Variants in ADAM23 observed in about 807,000 individuals in gnomAD.
ADAM23 encodes the protein disintegrin and metalloproteinase domain-containing protein 23.
A neutral mutation model predicts 120.1 loss-of-function variants in ADAM23; 33 were observed. The observed-to-expected ratio is 0.27, with a 90% CI of 0.21 to 0.37. ADAM23 has a LOEUF of 0.37. Among genes scored for constraint, ADAM23 ranks in the 10% least tolerant of loss-of-function variants. The probability of loss-of-function intolerance (pLI) is 1.00; values close to 1 mark genes in which losing one functional copy is unlikely to be tolerated. For missense variants in ADAM23, 862 were observed against 1,058.2 expected, an observed-to-expected ratio of 0.81 and a Z score of 2.57; for synonymous variants, 367 against 375.2, an observed-to-expected ratio of 0.98 and a Z score of 0.25.
intron 2 of ADAM23, among the ~76,000 whole-genome samples, chr2:206,452,169 G>A (rs1351816318): frequency 6.6e-6 from 1 of 152,174 alleles, no homozygotes; most frequent in Non-Finnish European, 1.5e-5. Context: ...TTACTGCAGT[G>A]CCCTCATTCT....
chr2:206,540,206 C>T (rs1427377907), intron 4 of ADAM23, among the ~76,000 whole-genome samples: 2 of 136,200 alleles, frequency 1.5e-5, no homozygotes, highest in Non-Finnish European at 1.5e-5. Context: ...AGAAAAGCAG[C>T]CCTTCACTGT....
chr2:206,616,548 A>G (rs189734165), intron 25 of ADAM23, among the ~76,000 whole-genome samples: 3 of 152,238 alleles, frequency 2.0e-5, no homozygotes, highest in East Asian at 3.9e-4. Context: ...CTTTATACCT[A>G]TTTTGAGCTT....
At chr2:206,489,687 A>G (rs1050248976) in intron 3 of ADAM23, among the ~76,000 whole-genome samples, 5 of 152,150 alleles carry the variant, frequency 3.3e-5, no homozygotes, top group East Asian at 1.9e-4. Flanking sequence ...GCTGAGTAAC[A>G]TGCGGGCTGG....
At chr2:206,582,976 C>G (rs1026827623) in intron 18 of ADAM23, among the ~76,000 whole-genome samples, 1 of 152,206 alleles carries the variant, frequency 6.6e-6, no homozygotes, top group African/African-American at 2.4e-5. Context: ...TGTCTCACAG[C>G]TCTAAAGATT....
chr2:206,503,553 C>G (rs1009132620), intron 3 of ADAM23, among the ~76,000 whole-genome samples: 3 of 151,978 alleles, frequency 2.0e-5, no homozygotes, highest in African/African-American at 7.3e-5. Context: ...GGGGGGAAAT[C>G]GTGAGACCAC....
chr2:206,544,614 T>A (rs975251800), intron 6 of ADAM23, among the ~76,000 whole-genome samples: 1 of 3,606 alleles, frequency 2.8e-4, no homozygotes, highest in Non-Finnish European at 7.0e-4. Context: ...GAGAGTTAAA[T>A]TTTTTTTTTT....
chr2:206,487,608 C>G (rs1234192684), intron 3 of ADAM23, among the ~76,000 whole-genome samples: 3 of 152,196 alleles, frequency 2.0e-5, no homozygotes, highest in Non-Finnish European at 4.4e-5. Flanking sequence ...AGTTTCCAGG[C>G]CATCTGACTG....
At chr2:206,452,253 T>C (rs1695210315) in intron 2 of ADAM23, among the ~76,000 whole-genome samples, 2 of 152,260 alleles carry the variant, frequency 1.3e-5, no homozygotes, top group African/African-American at 4.8e-5. Flanking sequence ...TCTTTGATTA[T>C]TCTCTTCCAT....
chr2:206,540,266 C>G (rs1386500197), intron 4 of ADAM23, among the ~76,000 whole-genome samples: 1 of 141,694 alleles, frequency 7.1e-6, no homozygotes, highest in Non-Finnish European at 1.6e-5. Flanking sequence ...CACACACACA[C>G]ACAGTTGTCC....
Position 206,561,176 on chromosome 2 carries a change from T to C in ADAM23, c.1218T>C (p.Gly406=), listed in dbSNP as rs1360601002. 1 of 1,613,986 alleles carries C rather than the reference T, an allele frequency of 6.2e-7. No homozygotes were observed. The highest frequency in any genetic ancestry group is 8.5e-7 in the Non-Finnish European group (1 of 1,179,946). The change falls in exon 12 of 26, where the codon GGT becomes GGC. Residue 406 remains glycine (G), a synonymous_variant. Coordinates refer to ENST00000264377, the MANE Select transcript of ADAM23 (RefSeq NM_003812.4). ...GAAGCAGTCTGAGTTACTTTGGAGG[T>C]GTCTGTTCTCGCACAAGAGGAGTTG... The part of the protein sequence containing the change: ...YKRSSLSYFG[G]VCSRTRGVGV...
chr2:206,529,956 T>G (rs1024270802), intron 3 of ADAM23, among the ~76,000 whole-genome samples: 18 of 152,068 alleles, frequency 1.2e-4, no homozygotes, highest in African/African-American at 4.3e-4. Context: ...CGATTACAGG[T>G]GCGTGCCACC....
At chr2:206,512,507 T>G (rs1454810295) in intron 3 of ADAM23, among the ~76,000 whole-genome samples, 1 of 152,182 alleles carries the variant, frequency 6.6e-6, no homozygotes, top group Non-Finnish European at 1.5e-5. Flanking sequence ...TGTATAAAAA[T>G]AGAACAATTT....
chr2:206,580,962 A>G (rs963723253), intron 18 of ADAM23, among the ~76,000 whole-genome samples: 53 of 152,058 alleles, frequency 3.5e-4, no homozygotes, highest in African/African-American at 1.3e-3. Flanking sequence ...TTTTTCCAGG[A>G]ATTTATCCAT....
At chr2:206,455,688 A>G (rs1695283866) in intron 2 of ADAM23, among the ~76,000 whole-genome samples, 1 of 152,170 alleles carries the variant, frequency 6.6e-6, no homozygotes, top group Non-Finnish European at 1.5e-5. Context: ...TGCTGCTTTG[A>G]AATTTCTTCC....
intron 2 of ADAM23, among the ~76,000 whole-genome samples, chr2:206,462,422 A>G (rs972204762): frequency 1.3e-5 from 2 of 152,206 alleles, no homozygotes; most frequent in African/African-American, 2.4e-5. Context: ...CCTAAGTACT[A>G]TCTTTTGTCT....
At chr2:206,597,888 G>T (rs1362749013) in intron 24 of ADAM23, among the ~76,000 whole-genome samples, 1 of 152,176 alleles carries the variant, frequency 6.6e-6, no homozygotes, top group East Asian at 1.9e-4. Flanking sequence ...TTCCTGAAGA[G>T]ATTTAGGCTG....
At chr2:206,536,032 C>A (rs1697165460) in intron 4 of ADAM23, among the ~76,000 whole-genome samples, 1 of 152,154 alleles carries the variant, frequency 6.6e-6, no homozygotes. Flanking sequence ...AGTTTATTTA[C>A]CCACCCTCTT....
intron 2 of ADAM23, among the ~76,000 whole-genome samples, chr2:206,455,337 T>C (rs1396656812): frequency 6.6e-6 from 1 of 152,202 alleles, no homozygotes. Context: ...CAGGGTACCA[T>C]GTCCTGAGGC....
chr2:206,599,282 A>G (rs1487108169), intron 24 of ADAM23, among the ~76,000 whole-genome samples: 1 of 152,068 alleles, frequency 6.6e-6, no homozygotes, highest in African/African-American at 2.4e-5. Context: ...TTTTTAATGA[A>G]GACAATGGAG....
Sources: gnomAD v4.1 joint callset for allele counts (sites outside exome capture counted in the v4.1 genomes callset) on GRCh38, gnomAD v4.1.1 for gene constraint, MANE v1.5 for transcripts, NCBI Gene and HGNC (gene_info 2026-07-23, HGNC 2026-07-21) for gene names.